DYNC1I1: variants seen among roughly 807,000 people sequenced by gnomAD.
DYNC1I1 encodes cytoplasmic dynein 1 intermediate chain 1.
DYNC1I1 carries 43 observed loss-of-function variants against 86.6 expected under a neutral mutation model. The observed-to-expected ratio is 0.50, with a 90% CI of 0.39 to 0.64. The LOEUF (loss-of-function observed/expected upper bound fraction) is 0.64, where lower values mean the gene tolerates loss of function less well. Among genes scored for constraint, DYNC1I1 ranks in the 30% least tolerant of loss-of-function variants. The pLI is 0.00. For missense variants in DYNC1I1, 604 were observed against 788.8 expected (o/e 0.77, Z 2.81); for synonymous variants, 262 against 283.7 (o/e 0.92, Z 0.77).
intron 5 of DYNC1I1, among the ~76,000 whole-genome samples, chr7:95,851,561 C>T (rs754336257): frequency 2.0e-5 from 3 of 151,926 alleles, no homozygotes; most frequent in Non-Finnish European, 4.4e-5. Flanking sequence ...TGGGATGAAT[C>T]CCACTTAATC....
chr7:95,773,805 C>T (rs971005428), intron 1 of DYNC1I1, among the ~76,000 whole-genome samples: 1 of 152,124 alleles, frequency 6.6e-6, no homozygotes, highest in Non-Finnish European at 1.5e-5. Flanking sequence ...GGTGACAACC[C>T]AACGCCTGAT....
intron 10 of DYNC1I1, among the ~76,000 whole-genome samples, chr7:96,004,523 T>C (rs1794093348): frequency 6.6e-6 from 1 of 152,066 alleles, no homozygotes. Context: ...TTATGTTGAG[T>C]AGTTGAAATT....
chr7:96,049,124 G>A (rs1789310776), intron 14 of DYNC1I1, among the ~76,000 whole-genome samples: 1 of 151,976 alleles, frequency 6.6e-6, no homozygotes, highest in Admixed American at 6.6e-5. Context: ...TGGGCATGGT[G>A]GCGGGTGCCT....
At chr7:96,058,800 A>AT (rs35348142) in intron 14 of DYNC1I1, among the ~76,000 whole-genome samples, 52,554 of 98,708 alleles carry the variant, frequency 0.53, 14,293 homozygotes, top group East Asian at 0.7. Context: ...TGCCTGGCTA[A>AT]TTTTTTTTTT....
At chr7:95,798,257 A>C (rs1021107958) in intron 1 of DYNC1I1, among the ~76,000 whole-genome samples, 1 of 152,178 alleles carries the variant, frequency 6.6e-6, no homozygotes, top group African/African-American at 2.4e-5. Flanking sequence ...TTCATAGTGT[A>C]CTGATGGCTG....
At chr7:96,050,049 A>AAAAAC (rs1562985747) in intron 14 of DYNC1I1, among the ~76,000 whole-genome samples, 1 of 151,250 alleles carries the variant, frequency 6.6e-6, no homozygotes, top group African/African-American at 2.4e-5. Context: ...AAAAAAAAAA[A>AAAAAC]CAGTATAGCT....
intron 6 of DYNC1I1, among the ~76,000 whole-genome samples, chr7:95,916,211 A>G (rs533814861): frequency 1.3e-5 from 2 of 152,372 alleles, no homozygotes; most frequent in African/African-American, 4.8e-5. Flanking sequence ...TCTCAAGTAT[A>G]AAAACATTTC....
chr7:95,953,120 G>T (rs764902547), intron 6 of DYNC1I1, among the ~76,000 whole-genome samples: 1 of 148,310 alleles, frequency 6.7e-6, no homozygotes, highest in East Asian at 2.0e-4. Flanking sequence ...GGCTGTTCTA[G>T]TTCTCAAGAT....
chr7:96,056,802 A>C (rs540752876), intron 14 of DYNC1I1, among the ~76,000 whole-genome samples: 11 of 152,164 alleles, frequency 7.2e-5, no homozygotes, highest in Non-Finnish European at 1.2e-4. Flanking sequence ...CATCTGTAGT[A>C]AGAAGGTCTT....
intron 5 of DYNC1I1, among the ~76,000 whole-genome samples, chr7:95,843,803 G>T (rs552625977): frequency 1.3e-5 from 2 of 152,232 alleles, no homozygotes; most frequent in Admixed American, 1.3e-4. Flanking sequence ...TACCAAAAAT[G>T]CTTTGCTTTC....
chr7:96,054,650 G>T (rs1341200469), intron 14 of DYNC1I1, among the ~76,000 whole-genome samples: 7 of 152,146 alleles, frequency 4.6e-5, no homozygotes, highest in Admixed American at 4.6e-4. Flanking sequence ...AGCATCTGTT[G>T]TTTCCTGACT....
intron 1 of DYNC1I1, among the ~76,000 whole-genome samples, chr7:95,803,842 CAA>C (rs1366864236): frequency 1.3e-5 from 2 of 152,120 alleles, no homozygotes; most frequent in Non-Finnish European, 2.9e-5. Context: ...ACAAAAGACT[CAA>C]ATATATAATC....
chr7:95,938,324 G>A (rs113291825), intron 6 of DYNC1I1, among the ~76,000 whole-genome samples: 5 of 152,144 alleles, frequency 3.3e-5, no homozygotes, highest in African/African-American at 9.6e-5. Context: ...ACTTGATAAA[G>A]TTTCTGAGTC....
chr7:96,060,834 T>G (rs1269271022), intron 14 of DYNC1I1, among the ~76,000 whole-genome samples: 1 of 151,272 alleles, frequency 6.6e-6, no homozygotes, highest in Non-Finnish European at 1.5e-5. Context: ...TTGCTCTACA[T>G]GCAAAACTCA....
chr7:95,801,708 G>A (rs1398998364), intron 1 of DYNC1I1, among the ~76,000 whole-genome samples: 1 of 152,170 alleles, frequency 6.6e-6, no homozygotes, highest in Admixed American at 6.5e-5. Context: ...CAGCACACTA[G>A]TTAGATGGAC....
chr7:96,005,242 G>A (rs1007992749), intron 10 of DYNC1I1, among the ~76,000 whole-genome samples: 1 of 152,146 alleles, frequency 6.6e-6, no homozygotes, highest in African/African-American at 2.4e-5. Context: ...GCCAAGAGAA[G>A]CCAAAATGTC....
At chr7:95,937,627 T>A (rs139391720) in intron 6 of DYNC1I1, among the ~76,000 whole-genome samples, 14 of 152,164 alleles carry the variant, frequency 9.2e-5, no homozygotes, top group African/African-American at 3.4e-4. Flanking sequence ...AATGGTATTA[T>A]GATTGGTAGG....
At chr7:95,788,610 C>T (rs543040856) in intron 1 of DYNC1I1, among the ~76,000 whole-genome samples, 23 of 152,274 alleles carry the variant, frequency 1.5e-4, no homozygotes, top group Non-Finnish European at 2.4e-4. Flanking sequence ...GACACCTTTT[C>T]GCGGCACACA....
chr7:96,062,991 G>A (rs1053374121), intron 14 of DYNC1I1, among the ~76,000 whole-genome samples: 1 of 151,982 alleles, frequency 6.6e-6, no homozygotes, highest in Admixed American at 6.6e-5. Context: ...TATTTGTCCC[G>A]GTGGTATCAG....
Sources: gnomAD v4.1 joint callset for allele counts (sites outside exome capture counted in the v4.1 genomes callset) on GRCh38, gnomAD v4.1.1 for gene constraint, MANE v1.5 for transcripts, NCBI Gene and HGNC (gene_info 2026-07-23, HGNC 2026-07-21) for gene names.